VWA3A: variants seen among roughly 807,000 people sequenced by gnomAD.
VWA3A encodes von Willebrand factor A domain containing 3A, also known as von Willebrand factor A domain-containing protein 3A.
A neutral mutation model predicts 160.4 loss-of-function variants in VWA3A; 134 were observed. The observed-to-expected ratio is 0.84, with a 90% CI of 0.73 to 0.96. The LOEUF is 0.96. Among genes scored for constraint, VWA3A ranks in the 40% least tolerant of loss-of-function variants. The pLI, the probability that VWA3A is intolerant of heterozygous loss-of-function variation, is 0.00. For synonymous variants in VWA3A, 476 were observed against 543.4 expected (o/e 0.88, Z 1.72); for missense variants, 1,310 against 1,447.9 (o/e 0.90, Z 1.55).
At chr16:22,143,173 AC>A (rs2046184978) in intron 25 of VWA3A, among the ~76,000 whole-genome samples, 2 of 151,556 alleles carry the variant, frequency 1.3e-5, no homozygotes, top group South Asian at 4.2e-4. Context: ...AAAAGGACAA[AC>A]CTGATAAGAA....
At position 22,144,497 on chromosome 16, in the gene VWA3A, C is replaced by T. The variant is rs1034439045; in HGVS notation, c.2730+113C>T. 27 of 1,435,692 alleles carry T rather than the reference C, an allele frequency of 1.9e-5. No homozygotes were observed. The Admixed American group carries it at 2.4e-4, about 13-fold the overall frequency. 88.9% of individuals were successfully genotyped at this position (1,435,692 alleles called of 1,614,324 possible). A position where few individuals can be genotyped will look rare whatever the true frequency, so the allele number is the denominator to read the frequency against. On this transcript the variant is annotated intron_variant, in intron 26 of 33. Transcript: ENST00000389398. The stretch of plus-strand genomic sequence containing the variant: ...ATTTCTGCTTGTAGGAACTGCCCTC[C>T]TCCCCAAAGTGGGACTCCCCTCACC...
intron 17 of VWA3A, among the ~76,000 whole-genome samples, chr16:22,129,783 A>G (rs1252674449): frequency 6.6e-6 from 1 of 152,170 alleles, no homozygotes; most frequent in African/African-American, 2.4e-5. Flanking sequence ...GGTGGGCAGA[A>G]GAAGGGAACC....
At chr16:22,100,841 CA>C (rs767100971) in intron 5 of VWA3A, among the ~76,000 whole-genome samples, 2,256 of 87,716 alleles carry the variant, frequency 0.026, 41 homozygotes, top group African/African-American at 0.077. Flanking sequence ...AACTCTGTCT[CA>C]AAAAAAAAAA....
At position 22,093,267 on chromosome 16, in the gene VWA3A, ATAAC is replaced by A. The variant is rs540709955; in HGVS notation, c.14+620_14+623del. Among the ~76,000 whole-genome samples the A allele has an allele frequency of 1.4e-3, 216 of 152,296 alleles. 5 individuals are homozygous for A. The South Asian group carries it at 0.043, about 30-fold the overall frequency. On this transcript the variant is annotated intron_variant, in intron 1 of 33. Transcript: ENST00000389398. The stretch of plus-strand genomic sequence containing the variant: ...GGGTGCGCGGGGGTTCAGACAGTAA[ATAAC>A]TAAATATATAGAAAATTTAAAACAA...
intron 21 of VWA3A, among the ~76,000 whole-genome samples, chr16:22,137,197 C>G (rs1393730571): frequency 6.6e-6 from 1 of 152,174 alleles, no homozygotes; most frequent in Admixed American, 6.5e-5. Context: ...TGGGCAATGA[C>G]CGCATAATTC....
intron 3 of VWA3A, among the ~76,000 whole-genome samples, chr16:22,098,563 T>C (rs887025681): frequency 1.7e-4 from 26 of 152,154 alleles, no homozygotes; most frequent in African/African-American, 6.0e-4. Flanking sequence ...GCCTTGCAGA[T>C]GAACCTGAAG....
rs1335506154 is a variant in VWA3A, at chr16:22,144,384, T to C, written c.2730T>C (p.His910=). The C allele has an allele frequency of 5.6e-6, 9 of 1,610,582 alleles. No individual in the cohort carries two copies. Among genetic ancestry groups the C allele is most frequent in the South Asian group, 2.2e-5 (2 of 90,262 alleles). ...GCATCTTCCCCAGCGTTGAGATCCA[T>C]GTAAGTCACAATTTTCATCATCGTC... ...HCSIFPSVEI[H]GVVRHIQWTP... The change falls in exon 26 of 34, where the codon CAT becomes CAC. Residue 910 remains histidine (H), a splice_region_variant and synonymous_variant. Transcript: ENST00000389398.
chr16:22,151,588 A>G lies in VWA3A; in HGVS notation c.3281+742A>G, dbSNP rs571761922. On this transcript the variant is annotated intron_variant, in intron 30 of 33. Coordinates refer to ENST00000389398, the MANE Select transcript of VWA3A (RefSeq NM_173615.5). Reference sequence around the variant, plus strand: ...AAACGATCACTATAGACCATGTGCTATGACCGGGCACAATGGCTCATGCCT... The same window carrying G: ...AAACGATCACTATAGACCATGTGCTGTGACCGGGCACAATGGCTCATGCCT... 4.6e-5 allele frequency among the ~76,000 whole-genome samples: 7 copies of G among 152,274 alleles called. No individual in the cohort carries two copies. The South Asian group carries it at 1.2e-3, about 27-fold the overall frequency.
intron 17 of VWA3A, 133 bp downstream of exon 17, chr16:22,126,430 C>T (rs936359517): frequency 1.2e-5 from 15 of 1,283,606 alleles, no homozygotes; most frequent in African/African-American, 7.5e-5. Context: ...GGATAGCCAT[C>T]GGTTTATCTG....
intron 23 of VWA3A, among the ~76,000 whole-genome samples, chr16:22,140,449 C>T (rs935567962): frequency 6.6e-6 from 1 of 151,928 alleles, no homozygotes; most frequent in Non-Finnish European, 1.5e-5. Context: ...CTCTACCAAA[C>T]AAAAAAGGAG....
At chr16:22,132,808 C>T in intron 19 of VWA3A, 92 bp from the exon 20 acceptor site, 2 of 1,283,002 alleles carry the variant, frequency 1.6e-6, no homozygotes, top group Non-Finnish European at 2.2e-6. Context: ...CAGAGAAGGC[C>T]CTGGAGAAAC....
At chr16:22,093,271 CTAAA>C (rs907311287) in intron 1 of VWA3A, among the ~76,000 whole-genome samples, 143 of 151,664 alleles carry the variant, frequency 9.4e-4, no homozygotes, top group African/African-American at 3.4e-3. Context: ...CAGTAAATAA[CTAAA>C]TATATAGAAA....
At chr16:22,143,994 T>C (rs58462751) in intron 25 of VWA3A, among the ~76,000 whole-genome samples, 81 of 151,982 alleles carry the variant, frequency 5.3e-4, no homozygotes, top group African/African-American at 1.9e-3. Context: ...GAACCACCGC[T>C]GTCAGCCTCC....
chr16:22,124,140 C>T (rs1258680303), intron 16 of VWA3A, among the ~76,000 whole-genome samples: 1 of 142,386 alleles, frequency 7.0e-6, no homozygotes, highest in East Asian at 2.1e-4. Context: ...ATGATCGTGC[C>T]ACTGTACTCA....
At chr16:22,130,866 T>C (rs2045934202) in intron 17 of VWA3A, among the ~76,000 whole-genome samples, 2 of 119,240 alleles carry the variant, frequency 1.7e-5, no homozygotes, top group African/African-American at 4.8e-5. Flanking sequence ...CATAGATGTG[T>C]ATTTAAAAAA....
intron 15 of VWA3A, chr16:22,123,385 A>G: frequency 6.9e-7 from 1 of 1,446,076 alleles, no homozygotes; most frequent in South Asian, 1.2e-5. Flanking sequence ...TCCTCTGGGG[A>G]AAGATCTGCT....
rs1232505682 is a variant in VWA3A, at chr16:22,111,012, C to T, written c.689+18C>T. The T allele has an allele frequency of 1.3e-6, 2 of 1,578,244 alleles. No homozygotes were observed. The highest frequency in any genetic ancestry group is 2.3e-5 in the East Asian group (1 of 43,524). On this transcript the variant is annotated intron_variant, in intron 8 of 33. Coordinates refer to ENST00000389398, the MANE Select transcript of VWA3A (RefSeq NM_173615.5). ...GCCTCCACGTGAGTGGCTTTCCTAC[C>T]TGACGGTGATGTTCACTTGTTCATT... is the stretch of plus-strand genomic sequence containing the variant.
intron 3 of VWA3A, among the ~76,000 whole-genome samples, chr16:22,099,868 A>G (rs1479934752): frequency 6.6e-6 from 1 of 152,212 alleles, no homozygotes; most frequent in African/African-American, 2.4e-5. Context: ...TGAGGTCAGG[A>G]GTTTGAGACC....
chr16:22,116,159 A>G (rs1424209711), intron 9 of VWA3A, among the ~76,000 whole-genome samples: 1 of 148,826 alleles, frequency 6.7e-6, no homozygotes, highest in Non-Finnish European at 1.5e-5. Context: ...AATAAAAAGG[A>G]AGAAAGAAAG....
Sources: gnomAD v4.1 joint callset for allele counts (sites outside exome capture counted in the v4.1 genomes callset) on GRCh38, gnomAD v4.1.1 for gene constraint, MANE v1.5 for transcripts, NCBI Gene and HGNC (gene_info 2026-07-23, HGNC 2026-07-21) for gene names.